The following ZNF420 variants were observed in gnomAD, a reference collection of about 807,000 sequenced individuals.
The protein encoded by ZNF420 is zinc finger protein 420, also known as ATM and p53-associated KZNF protein.
ZNF420 carries 31 observed loss-of-function variants against 44.7 expected under a neutral mutation model. The observed-to-expected ratio is 0.69, with a 90% CI of 0.52 to 0.94. The LOEUF (loss-of-function observed/expected upper bound fraction) is 0.94, where lower values mean the gene tolerates loss of function less well. ZNF420 is among the 40% of genes least tolerant of loss of function. The pLI, the probability that ZNF420 is intolerant of heterozygous loss-of-function variation, is 0.00. For missense variants in ZNF420, 681 were observed against 827.9 expected (o/e 0.82, Z 2.18); for synonymous variants, 245 against 267.4 (o/e 0.92, Z 0.82).
intron 4 of ZNF420, among the ~76,000 whole-genome samples, chr19:37,099,041 A>G (rs528061141): frequency 1.6e-4 from 25 of 152,312 alleles, no homozygotes; most frequent in Admixed American, 6.5e-4. Flanking sequence ...ATAGTATTCT[A>G]TTCTGCATAT....
chr19:37,025,023 C>T (rs1967126789), intron 1 of ZNF420: 1 of 221,748 alleles, frequency 4.5e-6, no homozygotes. Flanking sequence ...TGAGTTGAGC[C>T]TAAAGGACAT....
intron 4 of ZNF420, among the ~76,000 whole-genome samples, chr19:37,115,879 T>G (rs1462041097): frequency 1.3e-5 from 2 of 152,138 alleles, no homozygotes; most frequent in Non-Finnish European, 2.9e-5. Context: ...CACAGTGTAT[T>G]GTGTCCCTGG....
At chr19:37,080,315 C>T (rs4806406) in intron 1 of ZNF420, 30 bp from the exon 2 acceptor site, 24,682 of 152,490 alleles carry the variant, frequency 0.16, 2,086 homozygotes, top group African/African-American at 0.23. Flanking sequence ...GGCCTAATAT[C>T]TCATTCCATT....
chr19:37,038,452 C>T (rs6510580), intron 1 of ZNF420, among the ~76,000 whole-genome samples: 85,466 of 152,004 alleles, frequency 0.56, 25,566 homozygotes, highest in African/African-American at 0.76. Context: ...TGCTGTGCAG[C>T]TTGATAGCAT....
chr19:37,116,405 G>A (rs1048967733), intron 4 of ZNF420, among the ~76,000 whole-genome samples: 12 of 147,938 alleles, frequency 8.1e-5, no homozygotes, highest in East Asian at 2.0e-4. Flanking sequence ...GCACCATTTC[G>A]CCTCATCTCT....
intron 1 of ZNF420, among the ~76,000 whole-genome samples, chr19:37,031,529 G>A (rs113290002): frequency 1.1e-3 from 170 of 151,648 alleles, no homozygotes; most frequent in African/African-American, 3.7e-3. Context: ...TTTTGGACAC[G>A]GAGTCTCGCT....
chr19:37,130,329 AGTTCT>A lies in ZNF420; in HGVS notation c.*1275_*1279del, dbSNP rs780840145. The A allele has an allele frequency of 2.9e-5, 39 of 1,353,560 alleles. No individual in the cohort carries two copies. The highest frequency in any genetic ancestry group is 3.6e-5 in the Non-Finnish European group (38 of 1,048,430). 83.8% of individuals were successfully genotyped at this position (1,353,560 alleles called of 1,614,324 possible). Reference sequence around the variant, plus strand: ...ACATCTTATTTGTTGATGCTATTGTAGTTCTGTTATTGACAATAAAAATTCTTAAG... The same window carrying A: ...ACATCTTATTTGTTGATGCTATTGTAGTTATTGACAATAAAAATTCTTAAG... On this transcript the variant is annotated 3_prime_UTR_variant, in exon 5 of 5. Transcript: ENST00000337995.
chr19:37,045,946 C>T (rs1046243899), intron 1 of ZNF420, among the ~76,000 whole-genome samples: 1 of 152,168 alleles, frequency 6.6e-6, no homozygotes, highest in African/African-American at 2.4e-5. Context: ...GTGAAAGGCA[C>T]TTCTTACATG....
intron 1 of ZNF420, among the ~76,000 whole-genome samples, chr19:37,050,601 AAGG>A (rs59371843): frequency 0.013 from 2,020 of 152,288 alleles, 45 homozygotes; most frequent in African/African-American, 0.045. Flanking sequence ...TTATCAGCTT[AAGG>A]AGATTTTGGG....
intron 4 of ZNF420, among the ~76,000 whole-genome samples, chr19:37,094,495 T>C (rs1969328595): frequency 6.6e-6 from 1 of 152,210 alleles, no homozygotes; most frequent in Admixed American, 6.5e-5. Context: ...TGTCTGAAAA[T>C]TATATATTTA....
chr19:37,125,398 G>A (rs1438561710), intron 4 of ZNF420, among the ~76,000 whole-genome samples: 3 of 152,166 alleles, frequency 2.0e-5, no homozygotes, highest in Admixed American at 2.0e-4. Flanking sequence ...CAATTGGAGA[G>A]GCATATAGGA....
intron 1 of ZNF420, among the ~76,000 whole-genome samples, chr19:37,049,532 T>C (rs1184153967): frequency 6.6e-6 from 1 of 152,264 alleles, no homozygotes; most frequent in African/African-American, 2.4e-5. Context: ...AAGTGTCTGT[T>C]CATATCCTTC....
chr19:37,090,678 T>C (rs1393980214), intron 3 of ZNF420, among the ~76,000 whole-genome samples: 2 of 152,090 alleles, frequency 1.3e-5, no homozygotes, highest in African/African-American at 4.8e-5. Context: ...TCCCAGCACT[T>C]TGGGAGGCCT....
chr19:37,061,504 T>A (rs2146441400), intron 1 of ZNF420, among the ~76,000 whole-genome samples: 1 of 152,150 alleles, frequency 6.6e-6, no homozygotes, highest in East Asian at 1.9e-4. Context: ...GAACAGGATA[T>A]CAAGCAGGTT....
upstream of ZNF420, among the ~76,000 whole-genome samples, chr19:37,075,883 C>A (rs545096506): frequency 1.4e-4 from 21 of 152,238 alleles, no homozygotes; most frequent in Non-Finnish European, 2.1e-4. Flanking sequence ...TAAAGGTTAC[C>A]ATTAGCAGGA....
chr19:37,124,303 T>TG (rs1328341133), intron 4 of ZNF420, among the ~76,000 whole-genome samples: 1 of 152,266 alleles, frequency 6.6e-6, no homozygotes, highest in South Asian at 2.1e-4. Context: ...ACTTTGTTTC[T>TG]GTTATTGCTG....
chr19:37,094,350 C>A (rs1395415476), intron 4 of ZNF420, among the ~76,000 whole-genome samples: 2 of 152,010 alleles, frequency 1.3e-5, no homozygotes, highest in Non-Finnish European at 2.9e-5. Flanking sequence ...TTTTGCAACT[C>A]CATTTTCCCC....
At chr19:37,101,326 T>C (rs11084875) in intron 4 of ZNF420, among the ~76,000 whole-genome samples, 83,298 of 151,888 alleles carry the variant, frequency 0.55, 24,042 homozygotes, top group African/African-American at 0.71. Flanking sequence ...GAAACCCCAT[T>C]TCTACTAAAA....
intron 1 of ZNF420, among the ~76,000 whole-genome samples, chr19:37,065,690 A>C (rs1238834214): frequency 6.6e-6 from 1 of 152,266 alleles, no homozygotes; most frequent in Non-Finnish European, 1.5e-5. Flanking sequence ...AATTTAGTTC[A>C]GTGAGGTCTG....
Sources: allele counts gnomAD v4.1 joint callset (sites outside exome capture counted in the v4.1 genomes callset), GRCh38; gene constraint gnomAD v4.1.1; transcripts MANE v1.5; gene names NCBI Gene and HGNC (gene_info 2026-07-23, HGNC 2026-07-21).